Variants in WSCD2 observed in about 807,000 individuals in gnomAD.
WSCD2 encodes sialate:O-sulfotransferase 2.
Under a neutral mutation model 55.7 loss-of-function variants are expected in WSCD2, and 28 were observed. The observed-to-expected ratio is 0.50, with a 90% CI of 0.37 to 0.69. The LOEUF is 0.69. WSCD2 is among the 30% of genes least tolerant of loss of function. WSCD2 has a pLI of 0.00. For synonymous variants in WSCD2, 301 were observed against 301.9 expected, an observed-to-expected ratio of 1.00 and a Z score of 0.03; for missense variants, 616 against 762.1, an observed-to-expected ratio of 0.81 and a Z score of 2.26.
chr12:108,220,505 A>C (rs1340356067), intron 4 of WSCD2, among the ~76,000 whole-genome samples: 1 of 152,194 alleles, frequency 6.6e-6, no homozygotes, highest in African/African-American at 2.4e-5. Context: ...CACAACCAGT[A>C]CATGGTAGCA....
intron 1 of WSCD2, among the ~76,000 whole-genome samples, chr12:108,183,430 A>T (rs1456549470): frequency 6.6e-6 from 1 of 152,116 alleles, no homozygotes; most frequent in Non-Finnish European, 1.5e-5. Flanking sequence ...GGGGCTGTGC[A>T]CATGTTCAGC....
At chr12:108,166,789 CT>C (rs1879699663) in intron 1 of WSCD2, among the ~76,000 whole-genome samples, 1 of 133,164 alleles carries the variant, frequency 7.5e-6, no homozygotes, top group East Asian at 2.1e-4. Context: ...TTCTTTCTTT[CT>C]GTCTTTCTTT....
chr12:108,195,981 C>G lies in WSCD2; in HGVS notation c.149C>G (p.Ala50Gly), dbSNP rs61737703. 6.2e-7 allele frequency: 1 copy of G among 1,614,230 alleles called. No homozygotes were observed. The highest frequency in any genetic ancestry group is 1.1e-5 in the South Asian group (1 of 91,076). Residue 50 changes from alanine (A) to glycine (G), a missense_variant, in exon 2 of 9, where the codon GCG becomes GGG. Ala to Gly is a moderately conservative substitution (Grantham distance 60). Around this residue, in one of 3 missense-constraint regions of WSCD2, gnomAD observed 374 missense variants for 467.4 expected, o/e 0.80. Coordinates refer to ENST00000547525, the MANE Select transcript of WSCD2 (RefSeq NM_014653.4). ...VGQPAVSGNQ[A>G]NPAAAGGPAE... ...CAGCCCGCTGTCTCGGGGAACCAGG[C>G]GAACCCCGCTGCTGCAGGAGGCCCA...
At chr12:108,143,979 G>A (rs1356096568) in intron 1 of WSCD2, among the ~76,000 whole-genome samples, 1 of 152,140 alleles carries the variant, frequency 6.6e-6, no homozygotes, top group Non-Finnish European at 1.5e-5. Flanking sequence ...CCCCATCCAC[G>A]GGGCACAGCT....
intron 1 of WSCD2, among the ~76,000 whole-genome samples, chr12:108,156,330 T>G (rs1438431192): frequency 2.0e-5 from 3 of 152,190 alleles, no homozygotes; most frequent in Non-Finnish European, 4.4e-5. Context: ...ATGGGTTAAC[T>G]CACAGGTTAA....
intron 1 of WSCD2, among the ~76,000 whole-genome samples, chr12:108,135,023 C>T (rs1322248647): frequency 1.3e-5 from 2 of 152,164 alleles, no homozygotes; most frequent in Admixed American, 6.5e-5. Context: ...TTTGACATTT[C>T]CCCCCTTCAC....
rs1878313288 is a variant in WSCD2, at chr12:108,154,288, A to AG, written c.-552+24364dup. 3.3e-5 allele frequency among the ~76,000 whole-genome samples: 5 copies of AG among 152,278 alleles called. No individual in the cohort carries two copies. The South Asian group carries it at 1.0e-3, about 32-fold the overall frequency. On this transcript the variant is annotated intron_variant, in intron 1 of 8. Coordinates refer to ENST00000547525, the MANE Select transcript of WSCD2 (RefSeq NM_014653.4). ...GTTGGCATGACTGAGTTCCTTCTGG[A>AG]GGCTCCAGAGGAAAATTGGCTCCTT... is the stretch of plus-strand genomic sequence containing the variant.
At chr12:108,146,049 G>A (rs769202383) in intron 1 of WSCD2, among the ~76,000 whole-genome samples, 22 of 152,240 alleles carry the variant, frequency 1.4e-4, no homozygotes, top group Non-Finnish European at 2.8e-4. Context: ...TCATTGGAAG[G>A]GGTCTCAAGG....
intron 6 of WSCD2, 28 bp from the exon 7 acceptor site, chr12:108,232,703 A>G: frequency 1.3e-6 from 2 of 1,583,952 alleles, no homozygotes; most frequent in Non-Finnish European, 1.7e-6. Context: ...CCTGGTGTTG[A>G]CCTCTGTCCA....
At chr12:108,226,265 C>T (rs74953733) in intron 5 of WSCD2, among the ~76,000 whole-genome samples, 3,426 of 152,188 alleles carry the variant, frequency 0.023, 171 homozygotes, top group Admixed American at 0.13. Context: ...GACCCTTGCC[C>T]GCCAGATCTC....
At chr12:108,180,837 G>A (rs1005985779) in intron 1 of WSCD2, among the ~76,000 whole-genome samples, 1 of 152,264 alleles carries the variant, frequency 6.6e-6, no homozygotes, top group Non-Finnish European at 1.5e-5. Flanking sequence ...GACAGTGACA[G>A]CAGAGCTTTA....
intron 6 of WSCD2, among the ~76,000 whole-genome samples, chr12:108,231,503 A>G (rs1448483281): frequency 6.6e-6 from 1 of 152,264 alleles, no homozygotes; most frequent in Non-Finnish European, 1.5e-5. Context: ...GGTACTCACC[A>G]CATCCCAACC....
intron 1 of WSCD2, among the ~76,000 whole-genome samples, chr12:108,181,531 A>G (rs1881760884): frequency 6.6e-6 from 1 of 152,160 alleles, no homozygotes; most frequent in African/African-American, 2.4e-5. Context: ...AGGGACCCTG[A>G]GAGGTGGCAT....
intron 2 of WSCD2, among the ~76,000 whole-genome samples, chr12:108,200,636 T>A (rs1884551024): frequency 6.6e-6 from 1 of 152,220 alleles, no homozygotes; most frequent in South Asian, 2.1e-4. Context: ...TATAACACCT[T>A]TTCATTTTAT....
At chr12:108,175,402 C>A (rs1299473097) in intron 1 of WSCD2, among the ~76,000 whole-genome samples, 1 of 152,236 alleles carries the variant, frequency 6.6e-6, no homozygotes, top group Non-Finnish European at 1.5e-5. Context: ...CCACCCTCTT[C>A]CAACCTGCCT....
chr12:108,187,065 C>T (rs185487743), intron 1 of WSCD2, among the ~76,000 whole-genome samples: 77 of 152,324 alleles, frequency 5.1e-4, no homozygotes, highest in South Asian at 1.2e-3. Context: ...GGTCCATAGT[C>T]TAAGTGATCA....
chr12:108,211,480 G>A (rs963816190), intron 4 of WSCD2, among the ~76,000 whole-genome samples: 12 of 152,024 alleles, frequency 7.9e-5, no homozygotes, highest in Admixed American at 2.0e-4. Flanking sequence ...TGTGGATCTC[G>A]TCCAGAATGT....
intron 8 of WSCD2, among the ~76,000 whole-genome samples, chr12:108,242,472 G>A (rs1199707738): frequency 1.3e-5 from 2 of 152,116 alleles, no homozygotes; most frequent in African/African-American, 4.8e-5. Context: ...TGTCAAAGCT[G>A]GAAAAGACCT....
intron 4 of WSCD2, among the ~76,000 whole-genome samples, chr12:108,221,597 T>A (rs1282181700): frequency 1.3e-5 from 2 of 152,190 alleles, no homozygotes; most frequent in Non-Finnish European, 2.9e-5. Context: ...GTCCAGTGTT[T>A]CTTTACAGGG....
Sources: gnomAD v4.1 joint callset for allele counts (sites outside exome capture counted in the v4.1 genomes callset) on GRCh38, gnomAD v4.1.1 for gene constraint, gnomAD v4.1.1 regional missense constraint, MANE v1.5 for transcripts, NCBI Gene and HGNC (gene_info 2026-07-23, HGNC 2026-07-21) for gene names.